CMIP: variants seen among roughly 807,000 people sequenced by gnomAD.
CMIP encodes c-Maf inducing protein.
CMIP carries 13 observed loss-of-function variants against 97.3 expected under a neutral mutation model. The ratio of observed to expected loss-of-function variants is 0.13; its 90% CI spans 0.09 to 0.21. The LOEUF (loss-of-function observed/expected upper bound fraction) is 0.21, where lower values mean the gene tolerates loss of function less well. CMIP is among the 10% of genes least tolerant of loss of function. The probability of loss-of-function intolerance (pLI) is 1.00; values close to 1 mark genes in which losing one functional copy is unlikely to be tolerated. For synonymous variants in CMIP, 538 were observed against 436.3 expected, an observed-to-expected ratio of 1.23 and a Z score of -2.91; for missense variants, 847 against 1,024.9, an observed-to-expected ratio of 0.83 and a Z score of 2.37.
chr16:81,486,901 C>T (rs1157895603), intron 1 of CMIP, among the ~76,000 whole-genome samples: 4 of 152,270 alleles, frequency 2.6e-5, no homozygotes, highest in Non-Finnish European at 5.9e-5. Context: ...GCTCTGACCT[C>T]AGGCATCGCA....
At chr16:81,704,940 C>G (rs1319446969) in intron 18 of CMIP, among the ~76,000 whole-genome samples, 1 of 151,936 alleles carries the variant, frequency 6.6e-6, no homozygotes, top group Non-Finnish European at 1.5e-5. Context: ...GCTTCGCTGG[C>G]CTGCGGGGGG....
intron 1 of CMIP, among the ~76,000 whole-genome samples, chr16:81,597,550 A>G (rs955713334): frequency 2.9e-4 from 23 of 80,458 alleles, no homozygotes; most frequent in African/African-American, 1.0e-3. Context: ...GGGCTTGTGG[A>G]GGTGGGAAGA....
intron 1 of CMIP, chr16:81,518,432 G>A (rs2089957550): frequency 6.6e-6 from 1 of 152,312 alleles, no homozygotes; most frequent in Non-Finnish European, 1.5e-5. Context: ...CTAGGCCTGG[G>A]AGAGGCTGTC....
chr16:81,685,905 T>G (rs562208184), intron 10 of CMIP, among the ~76,000 whole-genome samples: 1 of 152,212 alleles, frequency 6.6e-6, no homozygotes, highest in Admixed American at 6.5e-5. Flanking sequence ...CCTTCTCAGG[T>G]GTGAGCCGGG....
chr16:81,475,631 G>A (rs929396754), intron 1 of CMIP, among the ~76,000 whole-genome samples: 1 of 152,200 alleles, frequency 6.6e-6, no homozygotes, highest in Non-Finnish European at 1.5e-5. Context: ...AGGATACTGT[G>A]AGCAAATGGG....
chr16:81,599,324 G>A (rs571427793), intron 1 of CMIP, among the ~76,000 whole-genome samples: 7 of 152,262 alleles, frequency 4.6e-5, no homozygotes, highest in Admixed American at 2.6e-4. Flanking sequence ...GGCCCAAACC[G>A]GCCCTTCTAG....
At chr16:81,476,452 T>C in intron 1 of CMIP, 1 of 882,202 alleles carries the variant, frequency 1.1e-6, no homozygotes, top group South Asian at 1.3e-5. Flanking sequence ...TGCAAACAGC[T>C]CGAAGGAGAT....
intron 1 of CMIP, among the ~76,000 whole-genome samples, chr16:81,471,723 G>C (rs1907571283): frequency 1.3e-5 from 2 of 152,156 alleles, no homozygotes; most frequent in African/African-American, 4.8e-5. Flanking sequence ...TGGTGATAAA[G>C]TTTAATTTAT....
chr16:81,560,231 T>TG (rs2090853521), intron 1 of CMIP, among the ~76,000 whole-genome samples: 2 of 150,188 alleles, frequency 1.3e-5, no homozygotes, highest in African/African-American at 2.4e-5. Context: ...TTGTTTTTTT[T>TG]TTTTTGAGAC....
At chr16:81,668,800 A>T (rs1937619756) in intron 7 of CMIP, among the ~76,000 whole-genome samples, 1 of 122,236 alleles carries the variant, frequency 8.2e-6, no homozygotes, top group African/African-American at 2.9e-5. Flanking sequence ...ACAAACACAC[A>T]TCCATTCACA....
At chr16:81,618,564 G>C (rs1195918696) in intron 2 of CMIP, 1 of 152,298 alleles carries the variant, frequency 6.6e-6, no homozygotes, top group African/African-American at 2.4e-5. Context: ...AATGGATGTG[G>C]ACCAGGCATG....
At chr16:81,641,113 G>A (rs1454497855) in intron 3 of CMIP, among the ~76,000 whole-genome samples, 2 of 152,046 alleles carry the variant, frequency 1.3e-5, no homozygotes, top group East Asian at 1.9e-4. Flanking sequence ...CCCAGGCCTC[G>A]CCCAGCTCTG....
chr16:81,651,312 C>T (rs1202610023), intron 3 of CMIP: 7 of 460,466 alleles, frequency 1.5e-5, no homozygotes, highest in South Asian at 9.2e-5. Context: ...CTCCGCCTTC[C>T]GAGGGCCTCC....
chr16:81,453,483 T>C lies in CMIP; in HGVS notation c.300+7942T>C, dbSNP rs1311744091. On this transcript the variant is annotated intron_variant, in intron 1 of 20. Coordinates refer to ENST00000537098, the MANE Select transcript of CMIP (RefSeq NM_198390.3). This position sits in a 1 kb window ranked among gnomAD's most constrained non-coding sequence, Gnocchi z 4.0. Reference sequence around the variant, plus strand: ...GGGCCAGTGCCAGTTTCCTTAGAGGTCCAGGATATCTGAAAATTGGAGCAC... The same window carrying C: ...GGGCCAGTGCCAGTTTCCTTAGAGGCCCAGGATATCTGAAAATTGGAGCAC... Among the ~76,000 whole-genome samples, 1 of 152,072 alleles carries C rather than the reference T, an allele frequency of 6.6e-6. No individual in the cohort carries two copies. Among genetic ancestry groups the C allele is most frequent in the Non-Finnish European group, 1.5e-5 (1 of 68,012 alleles).
intron 3 of CMIP, among the ~76,000 whole-genome samples, chr16:81,625,998 A>G (rs1306397465): frequency 6.6e-6 from 1 of 152,212 alleles, no homozygotes; most frequent in African/African-American, 2.4e-5. Context: ...GGGCCAGAGG[A>G]GTGCCCTTGG....
chr16:81,666,969 T>TA (rs1165611148), intron 7 of CMIP: 1 of 139,896 alleles, frequency 7.1e-6, no homozygotes, highest in African/African-American at 2.7e-5. Context: ...TCAGCTGGTG[T>TA]GGGGGGGGGG....
At chr16:81,562,373 C>T (rs2150874544) in intron 1 of CMIP, among the ~76,000 whole-genome samples, 1 of 152,356 alleles carries the variant, frequency 6.6e-6, no homozygotes. Context: ...GCCCTGTTTA[C>T]AAGGAATGCC....
chr16:81,517,099 A>G (rs56840561), intron 1 of CMIP, among the ~76,000 whole-genome samples: 1 of 151,122 alleles, frequency 6.6e-6, no homozygotes, highest in African/African-American at 2.4e-5. Context: ...TCAGTGGAAA[A>G]CCAGACGGCC....
intron 1 of CMIP, among the ~76,000 whole-genome samples, chr16:81,599,719 G>C (rs1470534714): frequency 6.6e-6 from 1 of 152,248 alleles, no homozygotes; most frequent in Non-Finnish European, 1.5e-5. Flanking sequence ...TGTCTTATAA[G>C]AGCAGGAGGC....
Sources: gnomAD v4.1 joint callset for allele counts (sites outside exome capture counted in the v4.1 genomes callset) on GRCh38, gnomAD v4.1.1 for gene constraint, Gnocchi (gnomAD v3.1) non-coding constraint, MANE v1.5 for transcripts, NCBI Gene and HGNC (gene_info 2026-07-23, HGNC 2026-07-21) for gene names.